PTPRN2: variants seen among roughly 807,000 people sequenced by gnomAD.
The protein encoded by PTPRN2 is receptor-type tyrosine-protein phosphatase N2.
In PTPRN2, 74 loss-of-function variants were observed where a neutral mutation model predicts 118.8. The ratio of observed to expected loss-of-function variants is 0.62; its 90% CI spans 0.52 to 0.76. PTPRN2 has a LOEUF of 0.76. Ranked by LOEUF, PTPRN2 falls within the 30% of genes least tolerant of loss-of-function variation. PTPRN2 has a pLI of 0.00. For missense variants in PTPRN2, 1,481 were observed against 1,394.4 expected (o/e 1.06, Z -0.99); for synonymous variants, 641 against 608.0 (o/e 1.05, Z -0.80).
chr7:157,886,284 A>G (rs1796441899), intron 12 of PTPRN2, among the ~76,000 whole-genome samples: 1 of 152,206 alleles, frequency 6.6e-6, no homozygotes, highest in Admixed American at 6.5e-5. Context: ...CACCTCAGAC[A>G]ATAAGCCGTG....
At chr7:158,069,486 C>T (rs1322158808) in intron 11 of PTPRN2, among the ~76,000 whole-genome samples, 1 of 152,108 alleles carries the variant, frequency 6.6e-6, no homozygotes, top group African/African-American at 2.4e-5. Flanking sequence ...GCATGGCCAC[C>T]ACACCCCCAC....
At chr7:158,309,492 A>T (rs1249356460) in intron 3 of PTPRN2, among the ~76,000 whole-genome samples, 1 of 152,148 alleles carries the variant, frequency 6.6e-6, no homozygotes, top group East Asian at 1.9e-4. Context: ...TACTCCTTAA[A>T]ATACTCCCCT....
intron 6 of PTPRN2, among the ~76,000 whole-genome samples, chr7:158,152,711 A>C (rs1292178587): frequency 6.6e-6 from 1 of 151,602 alleles, no homozygotes; most frequent in Non-Finnish European, 1.5e-5. Context: ...GCCTATAAAA[A>C]CCCCCAAGAC....
At chr7:158,507,866 G>A (rs1304512328) in intron 1 of PTPRN2, among the ~76,000 whole-genome samples, 1 of 141,032 alleles carries the variant, frequency 7.1e-6, no homozygotes, top group African/African-American at 2.7e-5. Context: ...AGGGGATAGC[G>A]CTGCAGTGTG....
At chr7:158,021,829 C>G (rs992763253) in intron 11 of PTPRN2, among the ~76,000 whole-genome samples, 5 of 152,228 alleles carry the variant, frequency 3.3e-5, no homozygotes, top group African/African-American at 1.2e-4. Context: ...ACTACATCGG[C>G]CAACCCTAGT....
chr7:158,062,120 G>A (rs190160475), intron 11 of PTPRN2, among the ~76,000 whole-genome samples: 9 of 152,368 alleles, frequency 5.9e-5, no homozygotes, highest in Admixed American at 2.0e-4. Flanking sequence ...GACGGGCGAC[G>A]GCCATGGCAC....
intron 12 of PTPRN2, among the ~76,000 whole-genome samples, chr7:157,706,484 C>T (rs1270861391): frequency 6.6e-6 from 1 of 151,832 alleles, no homozygotes; most frequent in African/African-American, 2.4e-5. Flanking sequence ...CATGCCAGTG[C>T]TTTCCGGATC....
At chr7:157,553,297 T>C (rs1260828483) in intron 21 of PTPRN2, among the ~76,000 whole-genome samples, 1 of 152,170 alleles carries the variant, frequency 6.6e-6, no homozygotes, top group African/African-American at 2.4e-5. Flanking sequence ...GCTGTGTGTA[T>C]GATGGTGCTA....
At chr7:157,811,791 T>A (rs1656071739) in intron 12 of PTPRN2, among the ~76,000 whole-genome samples, 1 of 152,006 alleles carries the variant, frequency 6.6e-6, no homozygotes, top group Non-Finnish European at 1.5e-5. Flanking sequence ...CGGGTCCAAT[T>A]CTACCCACAC....
At chr7:158,557,056 C>T (rs1388959117) in intron 1 of PTPRN2, among the ~76,000 whole-genome samples, 2 of 126,400 alleles carry the variant, frequency 1.6e-5, no homozygotes, top group African/African-American at 6.2e-5. Context: ...AGGTCACTCC[C>T]AGGCAGGTGG....
chr7:157,994,135 T>G (rs994151442), intron 11 of PTPRN2, among the ~76,000 whole-genome samples: 8 of 152,158 alleles, frequency 5.3e-5, no homozygotes, highest in African/African-American at 1.9e-4. Flanking sequence ...TTAAATATTA[T>G]TGACACAGCG....
intron 12 of PTPRN2, among the ~76,000 whole-genome samples, chr7:157,698,682 C>A (rs2150858042): frequency 6.6e-6 from 1 of 152,344 alleles, no homozygotes; most frequent in East Asian, 1.9e-4. Context: ...ACAGTGCAGT[C>A]TCCCTAGAGG....
At chr7:158,324,077 ACC>A (rs1467355224) in intron 2 of PTPRN2, among the ~76,000 whole-genome samples, 10 of 139,810 alleles carry the variant, frequency 7.2e-5, no homozygotes, top group Admixed American at 5.7e-4. Flanking sequence ...ACACACACAC[ACC>A]CAGACACACT....
At chr7:158,148,544 C>T (rs1193557162) in intron 6 of PTPRN2, among the ~76,000 whole-genome samples, 1 of 129,998 alleles carries the variant, frequency 7.7e-6, no homozygotes, top group African/African-American at 3.0e-5. Context: ...AGGTCTTTCC[C>T]CCTCACTGAC....
At chr7:158,141,809 G>A (rs879248347) in intron 6 of PTPRN2, among the ~76,000 whole-genome samples, 2 of 152,132 alleles carry the variant, frequency 1.3e-5, no homozygotes, top group Non-Finnish European at 1.5e-5. Context: ...AGGCCTGAAC[G>A]TCCATGACAG....
intron 2 of PTPRN2, among the ~76,000 whole-genome samples, chr7:158,450,967 G>T (rs1818057665): frequency 6.6e-6 from 1 of 152,196 alleles, no homozygotes; most frequent in East Asian, 1.9e-4. Context: ...GTGTATCACA[G>T]CCAGGTGCTT....
At chr7:158,042,496 G>A (rs1808549292) in intron 11 of PTPRN2, among the ~76,000 whole-genome samples, 1 of 152,224 alleles carries the variant, frequency 6.6e-6, no homozygotes, top group African/African-American at 2.4e-5. Flanking sequence ...AGAAAGAGAT[G>A]AGAGATCCAT....
intron 10 of PTPRN2, among the ~76,000 whole-genome samples, chr7:158,089,676 T>G (rs1223829740): frequency 5.8e-5 from 8 of 137,544 alleles, no homozygotes; most frequent in African/African-American, 2.6e-4. Context: ...CACACAAACC[T>G]TCTTCCCCTG....
chr7:158,345,722 G>A (rs531021505), intron 2 of PTPRN2, among the ~76,000 whole-genome samples: 2 of 152,300 alleles, frequency 1.3e-5, no homozygotes, highest in South Asian at 4.1e-4. Context: ...TTTTCACACA[G>A]CTATAAAGAA....
Sources: allele counts gnomAD v4.1 joint callset (sites outside exome capture counted in the v4.1 genomes callset), GRCh38; gene constraint gnomAD v4.1.1; transcripts MANE v1.5; gene names NCBI Gene and HGNC (gene_info 2026-07-23, HGNC 2026-07-21).